ACADM: variants seen among roughly 807,000 people sequenced by gnomAD.
ACADM encodes acyl-CoA dehydrogenase medium chain, also known as medium-chain specific acyl-CoA dehydrogenase, mitochondrial.
Under a neutral mutation model 58.9 loss-of-function variants are expected in ACADM, and 49 were observed. That is an observed-to-expected ratio of 0.83 (90% CI 0.66 to 1.06). The LOEUF (loss-of-function observed/expected upper bound fraction) is 1.06, where lower values mean the gene tolerates loss of function less well. Ranked by LOEUF, ACADM falls within the 50% of genes least tolerant of loss-of-function variation. ACADM has a pLI of 0.00. For synonymous variants in ACADM, 160 were observed against 157.7 expected, an observed-to-expected ratio of 1.01 and a Z score of -0.11; for missense variants, 496 against 507.0, an observed-to-expected ratio of 0.98 and a Z score of 0.21.
chr1:75,731,084 A>C (rs963791206), intron 2 of ACADM, among the ~76,000 whole-genome samples: 1 of 151,528 alleles, frequency 6.6e-6, no homozygotes, highest in Non-Finnish European at 1.5e-5. Context: ...CAGAAGATCG[A>C]GATCCTGGTG....
intron 7 of ACADM, chr1:75,745,540 G>T: frequency 4.4e-6 from 2 of 450,754 alleles, no homozygotes; most frequent in South Asian, 2.2e-5. Context: ...CATATATACT[G>T]TACTGCGGGT....
At chr1:75,750,327 C>T in intron 9 of ACADM, 124 bp from the exon 10 acceptor site, 1 of 797,988 alleles carries the variant, frequency 1.3e-6, no homozygotes, top group Non-Finnish European at 2.1e-6. Flanking sequence ...CCCTGTTCCC[C>T]ACCAGTTTCT....
intron 7 of ACADM, chr1:75,745,529 T>TAA: frequency 1.3e-5 from 3 of 234,888 alleles, no homozygotes; most frequent in African/African-American, 4.1e-5. Flanking sequence ...TTTCAAAATA[T>TAA]CATATATACT....
intron 2 of ACADM, among the ~76,000 whole-genome samples, chr1:75,732,355 T>G (rs1450275937): frequency 6.6e-6 from 1 of 152,224 alleles, no homozygotes; most frequent in African/African-American, 2.4e-5. Context: ...TAAACGTTTT[T>G]TATATCACCA....
chr1:75,731,742 A>G (rs1182256995), intron 2 of ACADM, among the ~76,000 whole-genome samples: 1 of 152,140 alleles, frequency 6.6e-6, no homozygotes, highest in East Asian at 1.9e-4. Context: ...AGGAGCTGTA[A>G]GCCTAGGCAT....
chr1:75,739,099 T>C (rs1647428145), intron 6 of ACADM, among the ~76,000 whole-genome samples: 1 of 152,182 alleles, frequency 6.6e-6, no homozygotes, highest in African/African-American at 2.4e-5. Flanking sequence ...CTCTGTTTCT[T>C]ATCTTAGTGT....
rs772061007 is a variant in ACADM at position 75,733,572 on chromosome 1, G to C, written c.331G>C (p.Glu111Gln). The C allele has an allele frequency of 6.2e-7, 1 of 1,614,108 alleles. No homozygotes were observed. Among genetic ancestry groups the C allele is most frequent in the Non-Finnish European group, 8.5e-7 (1 of 1,180,006 alleles). ...GTFDACLISE[E>Q]LAYGCTGVQT... ...TTTTGATGCTTGTTTAATTAGTGAA[G>C]AATTGGCTTATGGATGTACAGGGGT... Residue 111 changes from glutamate to glutamine, a missense_variant, in exon 5 of 12, where the codon GAA becomes CAA. Coordinates refer to ENST00000370841, the MANE Select transcript of ACADM (RefSeq NM_000016.6).
rs1218914400 is a variant in ACADM at position 75,732,381 on chromosome 1, C to T, written c.119-263C>T. ...TATATCACCAATTGGAAAAGAAAAA[C>T]TCACTTGAGCTCTACAGGTTAATAT... On this transcript the variant is annotated intron_variant, in intron 2 of 11. Transcript: ENST00000370841. The T allele has an allele frequency of 5.2e-5, 19 of 365,194 alleles. No homozygotes were observed. In the Middle Eastern group the frequency reaches 2.3e-3, roughly 45 times the overall value. The allele number at this position is 365,194 out of a possible 1,614,324, so 22.6% of individuals were successfully genotyped here. A position where few individuals can be genotyped will look rare whatever the true frequency, so the allele number is the denominator to read the frequency against.
intron 2 of ACADM, among the ~76,000 whole-genome samples, chr1:75,731,041 C>G (rs906662188): frequency 6.6e-6 from 1 of 151,894 alleles, no homozygotes; most frequent in African/African-American, 2.4e-5. Flanking sequence ...AATCCCAGCA[C>G]TTTGGGAGGC....
intron 6 of ACADM, among the ~76,000 whole-genome samples, chr1:75,736,957 T>C (rs986456239): frequency 2.0e-5 from 3 of 152,108 alleles, no homozygotes; most frequent in Non-Finnish European, 4.4e-5. Context: ...CATTTTCTTA[T>C]GCCTTCCTTC....
intron 10 of ACADM, among the ~76,000 whole-genome samples, chr1:75,756,497 C>T (rs1648515721): frequency 6.6e-6 from 1 of 152,144 alleles, no homozygotes; most frequent in Non-Finnish European, 1.5e-5. Flanking sequence ...AGGAATACAA[C>T]TTACAAGGGA....
intron 7 of ACADM, chr1:75,744,252 G>T: frequency 6.2e-7 from 1 of 1,606,682 alleles, no homozygotes. Flanking sequence ...GTGCTGCATG[G>T]GGAGGAACTG....
intron 2 of ACADM, among the ~76,000 whole-genome samples, chr1:75,730,138 A>T (rs1019609618): frequency 6.6e-6 from 1 of 151,916 alleles, no homozygotes; most frequent in Non-Finnish European, 1.5e-5. Flanking sequence ...CAAGTGATCC[A>T]CCCGTCTTGT....
intron 7 of ACADM, chr1:75,745,530 C>T (rs1570886105): frequency 2.2e-5 from 8 of 367,780 alleles, no homozygotes; most frequent in Middle Eastern, 8.1e-4. Flanking sequence ...TTCAAAATAT[C>T]ATATATACTG....
rs1431463788 is a variant in ACADM at position 75,749,470 on chromosome 1, G to T, written c.760G>T (p.Asp254Tyr). The stretch of plus-strand genomic sequence containing the variant: ...AGATACTAGAGGAATTGTCTTCGAA[G>T]ATGTGAAAGTGCCTAAAGAAAATGT... Reference protein sequence around the residue: ...CSDTRGIVFEDVKVPKENVLI... With the variant: ...CSDTRGIVFEYVKVPKENVLI... The change falls in exon 9 of 12, where the codon GAT (aspartate) becomes TAT (tyrosine). Residue 254 changes from aspartate (D) to tyrosine (Y), a missense_variant. Physicochemically the swap from Asp to Tyr is radical, Grantham distance 160. Transcript: ENST00000370841. 1 of 1,614,094 alleles carries T rather than the reference G, an allele frequency of 6.2e-7. No homozygotes were observed. Among genetic ancestry groups the T allele is most frequent in the South Asian group, 1.1e-5 (1 of 91,084 alleles).
At chr1:75,757,594 T>C (rs1402383079) in intron 10 of ACADM, among the ~76,000 whole-genome samples, 1 of 152,184 alleles carries the variant, frequency 6.6e-6, no homozygotes, top group Non-Finnish European at 1.5e-5. Flanking sequence ...AGGAATACTT[T>C]TACACTGTTG....
chr1:75,734,333 T>G (rs1466734670), intron 5 of ACADM, among the ~76,000 whole-genome samples: 1 of 143,970 alleles, frequency 6.9e-6, no homozygotes, highest in Non-Finnish European at 1.5e-5. Flanking sequence ...CCGGCTAATT[T>G]TTTTTTTTTT....
chr1:75,750,344 T>C, intron 9 of ACADM, 107 bp from the exon 10 acceptor site: 1 of 917,512 alleles, frequency 1.1e-6, no homozygotes, highest in South Asian at 1.4e-5. Context: ...TTCTTGTTGC[T>C]GTACATCACC....
intron 6 of ACADM, among the ~76,000 whole-genome samples, chr1:75,737,808 A>G (rs1377745828): frequency 1.3e-5 from 2 of 151,262 alleles, no homozygotes. Flanking sequence ...TTTTTTTTAT[A>G]ATTTTACCAG....
Sources: gnomAD v4.1 joint callset for allele counts (sites outside exome capture counted in the v4.1 genomes callset) on GRCh38, gnomAD v4.1.1 for gene constraint, MANE v1.5 for transcripts, NCBI Gene and HGNC (gene_info 2026-07-23, HGNC 2026-07-21) for gene names.